The following ZNF215 variants were observed in gnomAD, a reference collection of about 807,000 sequenced individuals.
The protein encoded by ZNF215 is zinc finger protein 215, also known as BWSCR2-associated zinc finger protein 2.
In ZNF215, 24 loss-of-function variants were observed where a neutral mutation model predicts 27.2. The ratio of observed to expected loss-of-function variants is 0.88; its 90% CI spans 0.64 to 1.24. The LOEUF is 1.24. Among genes scored for constraint, ZNF215 ranks in the 50% most tolerant of loss-of-function variants. The pLI, the probability that ZNF215 is intolerant of heterozygous loss-of-function variation, is 0.00. For synonymous variants in ZNF215, 210 were observed against 204.0 expected (o/e 1.03, Z -0.25); for missense variants, 675 against 605.7 (o/e 1.11, Z -1.20).
At chr11:6,944,295 A>G (rs755060919) in intron 6 of ZNF215, among the ~76,000 whole-genome samples, 2 of 152,166 alleles carry the variant, frequency 1.3e-5, no homozygotes, top group African/African-American at 2.4e-5. Context: ...TGCTACATCA[A>G]TGAAAATTAC....
intron 5 of ZNF215, among the ~76,000 whole-genome samples, chr11:6,982,472 C>G (rs1042049754): frequency 1.2e-4 from 19 of 152,206 alleles, no homozygotes; most frequent in Middle Eastern, 3.4e-3. Flanking sequence ...CAGCACCACA[C>G]CACACCTATT....
downstream of ZNF215, among the ~76,000 whole-genome samples, chr11:6,986,642 C>G (rs1314043731): frequency 2.0e-5 from 3 of 151,860 alleles, no homozygotes; most frequent in Non-Finnish European, 4.4e-5. Flanking sequence ...TATCCAGAAT[C>G]TACAAGGAAC....
chr11:6,969,285 C>T (rs2638087), intron 5 of ZNF215, among the ~76,000 whole-genome samples: 30,730 of 151,940 alleles, frequency 0.2, 3,410 homozygotes, highest in Non-Finnish European at 0.25. Context: ...CACTTTAAGT[C>T]CATTGCAATT....
At chr11:6,993,100 C>CTG (rs1851135821), downstream of ZNF215, among the ~76,000 whole-genome samples, 1 of 152,204 alleles carries the variant, frequency 6.6e-6, no homozygotes, top group African/African-American at 2.4e-5. Flanking sequence ...TTTTGTCACG[C>CTG]TGTCAGCCTA....
downstream of ZNF215, chr11:6,988,186 T>C: frequency 1.0e-6 from 1 of 985,344 alleles, no homozygotes; most frequent in African/African-American, 1.7e-5. Context: ...ATTATACCCA[T>C]GACTTATACC....
At chr11:6,965,041 T>G (rs887872361) in intron 5 of ZNF215, among the ~76,000 whole-genome samples, 2 of 152,102 alleles carry the variant, frequency 1.3e-5, no homozygotes, top group Admixed American at 1.3e-4. Flanking sequence ...TACATCATCT[T>G]TTATACATGG....
chr11:6,985,384 G>A (rs1285967196), downstream of ZNF215, among the ~76,000 whole-genome samples: 1 of 152,038 alleles, frequency 6.6e-6, no homozygotes, highest in African/African-American at 2.4e-5. Flanking sequence ...GACACCTAAG[G>A]AGCATACCTC....
chr11:6,958,088 G>GA, downstream of ZNF215: 1 of 981,196 alleles, frequency 1.0e-6, no homozygotes, highest in Non-Finnish European at 1.2e-6. Flanking sequence ...GTTTTATTAG[G>GA]ACAAAGCCCT....
rs1564939339 is a variant in ZNF215 at position 6,927,737 on chromosome 11, C to T, written c.-250C>T. ...CTCTATCATCAAAACTATTCCACCT[C>T]GGAAATCTTACCTAAATGCAGCATG... On this transcript the variant is annotated 5_prime_UTR_variant, in exon 2 of 7. Transcript: ENST00000278319. The T allele has an allele frequency of 1.3e-5, 2 of 152,258 alleles. No individual in the cohort carries two copies. The highest frequency in any genetic ancestry group is 1.3e-4 in the Admixed American group (2 of 15,278). The allele number at this position is 152,258 out of a possible 1,614,324, so 9.4% of individuals were successfully genotyped here.
At position 6,941,570 on chromosome 11, in the gene ZNF215, G is replaced by A; in HGVS notation, c.401-1G>A. 1 of 1,613,656 alleles carries A rather than the reference G, an allele frequency of 6.2e-7. No homozygotes were observed. The highest frequency in any genetic ancestry group is 8.5e-7 in the Non-Finnish European group (1 of 1,179,756). On this transcript the variant is annotated splice_acceptor_variant, in intron 3 of 6. Coordinates refer to ENST00000278319, the MANE Select transcript of ZNF215 (RefSeq NM_013250.4). LOFTEE classifies it high-confidence loss of function. Reference sequence around the variant, plus strand: ...CTAATATTTTCCTTCATCTTCCTCAGATATGCCCTGCAAGGACTCTGCCCT... The same window carrying A: ...CTAATATTTTCCTTCATCTTCCTCAAATATGCCCTGCAAGGACTCTGCCCT...
chr11:6,931,797 A>G (rs957478286), intron 2 of ZNF215, among the ~76,000 whole-genome samples: 1 of 152,206 alleles, frequency 6.6e-6, no homozygotes, highest in African/African-American at 2.4e-5. Flanking sequence ...ATTTTAAGGT[A>G]AAAATGATTT....
rs755215621 is a variant in ZNF215, at chr11:6,932,342, G to C, written c.70G>C (p.Val24Leu). 1 of 1,614,164 alleles carries C rather than the reference G, an allele frequency of 6.2e-7. No individual in the cohort carries two copies. ...RNLSLREQRE[V>L]LRADMSWQQE... is the part of the protein sequence containing the mutation. ...CCTGTCTCTACGTGAACAAAGAGAG[G>C]TTCTGAGAGCAGATATGTCTTGGCA... Residue 24 changes from valine (V) to leucine (L), a missense_variant, in exon 3 of 7, where the codon GTT becomes CTT. Val to Leu is a conservative substitution (Grantham distance 32). Transcript: ENST00000278319.
intron 6 of ZNF215, among the ~76,000 whole-genome samples, chr11:6,946,618 A>T (rs1849823761): frequency 6.6e-6 from 1 of 152,150 alleles, no homozygotes; most frequent in South Asian, 2.1e-4. Context: ...CTTATTCCTC[A>T]GATCTCAAAT....
chr11:6,991,422 G>A (rs999967067), downstream of ZNF215, among the ~76,000 whole-genome samples: 15 of 152,158 alleles, frequency 9.9e-5, no homozygotes, highest in African/African-American at 2.4e-4. Flanking sequence ...AGCACACACC[G>A]TCGGGGCTGG....
At position 6,932,465 on chromosome 11, in the gene ZNF215, G is replaced by A. The variant is rs747873198; in HGVS notation, c.193G>A (p.Ala65Thr). 3 of 1,614,128 alleles carry A rather than the reference G, an allele frequency of 1.9e-6. No individual in the cohort carries two copies. The highest frequency in any genetic ancestry group is 1.7e-6 in the Non-Finnish European group (2 of 1,180,016). ...TTTGAAAGTGTCTGGGCCCCATGAAGCCCTGAGCCAACTCTGGGAGCTCTG... is the reference window on the plus strand; with the variant it reads ...TTTGAAAGTGTCTGGGCCCCATGAAACCCTGAGCCAACTCTGGGAGCTCTG... ...QYLKVSGPHE[A>T]LSQLWELCLQ... Residue 65 changes from alanine (A) to threonine (T), a missense_variant, in exon 3 of 7, where the codon GCC (alanine) becomes ACC (threonine). Transcript: ENST00000278319.
chr11:6,951,270 C>T (rs534820344), intron 6 of ZNF215, among the ~76,000 whole-genome samples: 1,532 of 152,010 alleles, frequency 0.01, 28 homozygotes, highest in African/African-American at 0.035. Context: ...GGAGGATTCC[C>T]TCTTTTTCTA....
intron 5 of ZNF215, among the ~76,000 whole-genome samples, chr11:6,979,253 A>G (rs1405599790): frequency 2.6e-5 from 4 of 152,034 alleles, no homozygotes; most frequent in African/African-American, 9.7e-5. Flanking sequence ...ATCAGGGACA[A>G]TGTTGAAAGG....
At chr11:6,942,372 T>G (rs2133215637) in intron 4 of ZNF215, among the ~76,000 whole-genome samples, 1 of 152,318 alleles carries the variant, frequency 6.6e-6, no homozygotes, top group East Asian at 1.9e-4. Context: ...CCAATATTTA[T>G]GTAGTGCATA....
intron 6 of ZNF215, among the ~76,000 whole-genome samples, chr11:6,951,414 T>C (rs1564959591): frequency 6.6e-6 from 1 of 152,246 alleles, no homozygotes; most frequent in Non-Finnish European, 1.5e-5. Context: ...TTTCAGAGCC[T>C]GTTATTGGTC....
Sources: allele counts gnomAD v4.1 joint callset (sites outside exome capture counted in the v4.1 genomes callset), GRCh38; gene constraint gnomAD v4.1.1; transcripts MANE v1.5; gene names NCBI Gene and HGNC (gene_info 2026-07-23, HGNC 2026-07-21).